The following FAM13B variants were observed in gnomAD, a reference collection of about 807,000 sequenced individuals.
FAM13B encodes the protein protein FAM13B.
In FAM13B, 60 loss-of-function variants were observed where a neutral mutation model predicts 117.3. That is an observed-to-expected ratio of 0.51 (90% CI 0.42 to 0.63). The LOEUF (loss-of-function observed/expected upper bound fraction) is 0.63. Among genes scored for constraint, FAM13B ranks in the 30% least tolerant of loss-of-function variants. The pLI is 0.00. For missense variants in FAM13B, 972 were observed against 1,091.9 expected, an observed-to-expected ratio of 0.89 and a Z score of 1.55; for synonymous variants, 332 against 356.1, an observed-to-expected ratio of 0.93 and a Z score of 0.76.
chr5:137,987,674 C>G, intron 8 of FAM13B, 58 bp from the exon 9 acceptor site: 1 of 1,521,580 alleles, frequency 6.6e-7, no homozygotes, highest in Non-Finnish European at 8.9e-7. Flanking sequence ...TCTGGTGACA[C>G]AGACATAAAT....
At position 137,942,063 on chromosome 5, in the gene FAM13B, A is replaced by G; in HGVS notation, c.2589-18T>C. Reference sequence around the variant, plus strand: ...ATTCAGGCCTAGAATTGAAATGGTAAAATACTGAAGGGCACACTTGATTCA... The same window carrying G: ...ATTCAGGCCTAGAATTGAAATGGTAGAATACTGAAGGGCACACTTGATTCA... On this transcript the variant is annotated intron_variant, in intron 22 of 23. Coordinates refer to ENST00000689681, the MANE Select transcript of FAM13B (RefSeq NM_001385994.1). 1 of 1,585,652 alleles carries G rather than the reference A, an allele frequency of 6.3e-7. No individual in the cohort carries two copies. The highest frequency in any genetic ancestry group is 8.7e-7 in the Non-Finnish European group (1 of 1,155,070).
In FAM13B at chr5:137,946,350, A is replaced by AC. The variant is rs777301602; in HGVS notation, c.2161-40_2161-39insG. On this transcript the variant is annotated intron_variant, in intron 18 of 23. Coordinates refer to ENST00000689681, the MANE Select transcript of FAM13B (RefSeq NM_001385994.1). ...AAAAAAATAACAAAATACAAAAAAA[A>AC]AAAAACAAAAACAAAAAAACTCCAC... The AC allele has an allele frequency of 1.2e-5, 17 of 1,420,824 alleles. No homozygotes were observed. In the East Asian group the frequency reaches 1.6e-4, roughly 13 times the overall value. 88.0% of individuals were successfully genotyped at this position (1,420,824 alleles called of 1,614,324 possible).
At chr5:137,952,841 T>C (rs540768193) in intron 16 of FAM13B, 132 bp from the exon 17 acceptor site, 14 of 574,238 alleles carry the variant, frequency 2.4e-5, no homozygotes, top group South Asian at 1.7e-4. Context: ...TTTAATTAGA[T>C]AGGGCAGGAT....
intron 10 of FAM13B, among the ~76,000 whole-genome samples, chr5:137,969,772 G>C (rs1050114883): frequency 1.3e-4 from 20 of 152,110 alleles, no homozygotes; most frequent in Non-Finnish European, 2.9e-4. Context: ...TAAAGGAGCT[G>C]ATGTAGCTGA....
chr5:137,943,244 T>G (rs543434946), intron 20 of FAM13B, 28 bp from the exon 21 acceptor site: 1 of 1,576,212 alleles, frequency 6.3e-7, no homozygotes, highest in South Asian at 1.1e-5. Context: ...ATAAATAGTT[T>G]TACATTTTAA....
At chr5:137,987,864 T>A (rs1777617650) in intron 8 of FAM13B, among the ~76,000 whole-genome samples, 1 of 152,172 alleles carries the variant, frequency 6.6e-6, no homozygotes, top group African/African-American at 2.4e-5. Context: ...ATGGGAAAGA[T>A]CAGTTGTCCC....
chr5:137,940,553 A>G, intron 23 of FAM13B: 1 of 518,154 alleles, frequency 1.9e-6, no homozygotes, highest in Non-Finnish European at 3.4e-6. Flanking sequence ...CTCTACTGAT[A>G]GATTAAATGA....
intron 1 of FAM13B, 34 bp from the exon 2 acceptor site, chr5:138,021,231 C>T: frequency 8.2e-7 from 1 of 1,224,164 alleles, no homozygotes; most frequent in Non-Finnish European, 1.0e-6. Flanking sequence ...CAATTTCCCA[C>T]ATCTTTAACT....
At chr5:138,050,811 C>T (rs553138215) in intron 1 of FAM13B, among the ~76,000 whole-genome samples, 6 of 152,254 alleles carry the variant, frequency 3.9e-5, no homozygotes, top group African/African-American at 1.2e-4. Context: ...CTGTCTCTAC[C>T]CAACTATGAT....
chr5:137,965,021 C>T (rs1489346734), intron 10 of FAM13B, among the ~76,000 whole-genome samples: 3 of 152,030 alleles, frequency 2.0e-5, no homozygotes, highest in Non-Finnish European at 4.4e-5. Context: ...AAAAATCAGC[C>T]AGGTGCAGTA....
At chr5:138,008,785 CAGG>C (rs1481566172) in intron 6 of FAM13B, among the ~76,000 whole-genome samples, 1 of 152,160 alleles carries the variant, frequency 6.6e-6, no homozygotes, top group African/African-American at 2.4e-5. Flanking sequence ...CTACCTAAAG[CAGG>C]AGGTCTCAAC....
chr5:137,971,691 T>C (rs1283904947), intron 10 of FAM13B, among the ~76,000 whole-genome samples: 1 of 150,390 alleles, frequency 6.6e-6, no homozygotes, highest in African/African-American at 2.4e-5. Context: ...TTTGAAAGGA[T>C]CAACAAAATT....
At chr5:137,973,936 A>G (rs1207114719) in intron 10 of FAM13B, among the ~76,000 whole-genome samples, 1 of 143,810 alleles carries the variant, frequency 7.0e-6, no homozygotes, top group Non-Finnish European at 1.5e-5. Context: ...AATGGCAATC[A>G]TTAAAAAGTC....
chr5:137,953,062 A>G (rs1346543158), intron 16 of FAM13B, among the ~76,000 whole-genome samples: 1 of 152,222 alleles, frequency 6.6e-6, no homozygotes, highest in Non-Finnish European at 1.5e-5. Context: ...TAGCAGTAAC[A>G]TGATTTGTCA....
At chr5:138,001,269 A>G (rs1298421833) in intron 7 of FAM13B, among the ~76,000 whole-genome samples, 1 of 152,220 alleles carries the variant, frequency 6.6e-6, no homozygotes, top group African/African-American at 2.4e-5. Flanking sequence ...CTTCATAGGA[A>G]TACTCAAAAA....
chr5:138,047,504 C>CA (rs61692745), intron 1 of FAM13B, among the ~76,000 whole-genome samples: 1,658 of 137,842 alleles, frequency 0.012, 29 homozygotes, highest in African/African-American at 0.045. Flanking sequence ...GACTCCATCT[C>CA]AAAAAAAAAA....
intron 7 of FAM13B, among the ~76,000 whole-genome samples, chr5:138,005,542 A>G (rs942703735): frequency 9.9e-5 from 15 of 151,990 alleles, no homozygotes; most frequent in Admixed American, 9.2e-4. Flanking sequence ...GAATGTTAGA[A>G]TACAGTTAAA....
chr5:138,048,264 C>T (rs905389588), intron 1 of FAM13B, among the ~76,000 whole-genome samples: 9 of 152,158 alleles, frequency 5.9e-5, no homozygotes, highest in South Asian at 4.1e-4. Context: ...ACTAATACAA[C>T]GCCAAATGGC....
chr5:137,946,927 T>C (rs911506509), intron 18 of FAM13B, among the ~76,000 whole-genome samples: 1 of 152,204 alleles, frequency 6.6e-6, no homozygotes, highest in African/African-American at 2.4e-5. Flanking sequence ...TACTTCTCTA[T>C]TACCTCCATT....
Sources: gnomAD v4.1 joint callset for allele counts (sites outside exome capture counted in the v4.1 genomes callset) on GRCh38, gnomAD v4.1.1 for gene constraint, MANE v1.5 for transcripts, NCBI Gene and HGNC (gene_info 2026-07-23, HGNC 2026-07-21) for gene names.